The following PTPRE variants were observed in gnomAD, a reference collection of about 807,000 sequenced individuals.
The protein encoded by PTPRE is receptor-type tyrosine-protein phosphatase epsilon.
In PTPRE, 51 loss-of-function variants were observed where a neutral mutation model predicts 102.0. That is an observed-to-expected ratio of 0.50 (90% confidence interval 0.40 to 0.63). The LOEUF (loss-of-function observed/expected upper bound fraction) is 0.63, where lower values mean the gene tolerates loss of function less well. Among genes scored for constraint, PTPRE ranks in the 30% least tolerant of loss-of-function variants. PTPRE has a pLI of 0.00. For missense variants in PTPRE, 752 were observed against 915.1 expected (o/e 0.82, Z 2.30); for synonymous variants, 345 against 348.2 (o/e 0.99, Z 0.10).
In PTPRE at chr10:128,079,687, CA is replaced by C. The variant is rs747590527; in HGVS notation, c.2023del (p.Thr675ProfsTer53). ...SLRLQRPHMV[Q>X]TLEQYEFCYK... ...ACGACTTCAGAGACCACATATGGTG[CA>C]AACCCTGGTAAGAATCTGAATAAGG... On this transcript the variant is annotated frameshift_variant, in exon 20 of 21. Transcript: ENST00000254667. LOFTEE classifies it high-confidence loss of function. The C allele has an allele frequency of 6.2e-7, 1 of 1,612,354 alleles. No individual in the cohort carries two copies. The highest frequency in any genetic ancestry group is 8.5e-7 in the Non-Finnish European group (1 of 1,178,554).
chr10:128,049,836 G>T (rs1442394290), intron 6 of PTPRE, among the ~76,000 whole-genome samples, 170 bp downstream of exon 6: 1 of 152,132 alleles, frequency 6.6e-6, no homozygotes, highest in Non-Finnish European at 1.5e-5. Context: ...AGTGCCCTTT[G>T]CCAATGCTTA....
rs570010427 is a variant in PTPRE at position 127,945,143 on chromosome 10, C to A, written c.-30-37131C>A. Reference sequence around the variant, plus strand: ...TCACCCTTCCCCTGCACATCCAGAGCTTAGTGCAGTGCCCAGTACCTGGTT... The same window carrying A: ...TCACCCTTCCCCTGCACATCCAGAGATTAGTGCAGTGCCCAGTACCTGGTT... On this transcript the variant is annotated intron_variant, in intron 1 of 20. Coordinates refer to ENST00000254667, the MANE Select transcript of PTPRE (RefSeq NM_006504.6). Among the ~76,000 whole-genome samples the A allele has an allele frequency of 2.0e-5, 3 of 152,294 alleles. No homozygotes were observed. In the East Asian group the frequency reaches 5.8e-4, roughly 29 times the overall value.
intron 1 of PTPRE, among the ~76,000 whole-genome samples, chr10:127,932,203 T>C (rs1004493183): frequency 2.0e-4 from 30 of 152,196 alleles, no homozygotes; most frequent in African/African-American, 7.2e-4. Flanking sequence ...AAAAAAACAT[T>C]GAAAAAGCAA....
At chr10:127,951,815 G>C (rs776212065) in intron 1 of PTPRE, among the ~76,000 whole-genome samples, 3 of 152,234 alleles carry the variant, frequency 2.0e-5, no homozygotes, top group Non-Finnish European at 2.9e-5. Context: ...CAGGAATGGT[G>C]ATTCCCACCT....
At chr10:127,916,370 TCTC>T (rs1331933311) in intron 1 of PTPRE, among the ~76,000 whole-genome samples, 36 of 152,222 alleles carry the variant, frequency 2.4e-4, no homozygotes, top group African/African-American at 8.4e-4. Flanking sequence ...ACTGTGCACT[TCTC>T]CTTCCTGTCG....
intron 15 of PTPRE, 125 bp from the exon 16 acceptor site, chr10:128,072,013 A>G (rs1850814792): frequency 5.8e-6 from 4 of 688,786 alleles, no homozygotes; most frequent in East Asian, 5.7e-5. Context: ...TAAACTTTCC[A>G]AAGAGTTGGC....
intron 1 of PTPRE, among the ~76,000 whole-genome samples, chr10:127,928,873 C>A (rs1053413668): frequency 1.3e-5 from 2 of 152,198 alleles, no homozygotes; most frequent in Admixed American, 1.3e-4. Flanking sequence ...ATGTCAGACA[C>A]GAAGGCCATG....
intron 4 of PTPRE, 74 bp from the exon 5 acceptor site, chr10:128,047,690 A>T (rs1848213495): frequency 6.2e-7 from 1 of 1,613,962 alleles, no homozygotes; most frequent in African/African-American, 1.3e-5. Context: ...CCTGGTGGGT[A>T]TCACTGTGCC....
intron 2 of PTPRE, among the ~76,000 whole-genome samples, chr10:127,984,499 C>G (rs182768230): frequency 2.0e-5 from 3 of 152,172 alleles, no homozygotes; most frequent in African/African-American, 7.2e-5. Context: ...GTATTTGAAG[C>G]CTGGGTCTCC....
intron 10 of PTPRE, among the ~76,000 whole-genome samples, chr10:128,063,692 CAAA>C (rs1310516019): frequency 6.6e-6 from 1 of 152,200 alleles, no homozygotes; most frequent in East Asian, 1.9e-4. Context: ...GAATCATTGA[CAAA>C]GAAGAAAAGT....
At position 127,942,785 on chromosome 10, in the gene PTPRE, G is replaced by A. The variant is rs141839557; in HGVS notation, c.-31+35476G>A. The stretch of plus-strand genomic sequence containing the variant: ...TTTGGGAAGAGGAAGAAGTACTGGG[G>A]CGAGGTAGTGATGATGGTTGCACAG... On this transcript the variant is annotated intron_variant, in intron 1 of 20. Transcript: ENST00000254667. Among the ~76,000 whole-genome samples the A allele has an allele frequency of 1.4e-3, 212 of 152,328 alleles. 2 individuals carry two copies. The highest frequency in any genetic ancestry group is 4.7e-3 in the African/African-American group (196 of 41,562).
intron 1 of PTPRE, among the ~76,000 whole-genome samples, chr10:127,945,341 A>G (rs1180200957): frequency 2.0e-5 from 3 of 152,204 alleles, no homozygotes; most frequent in South Asian, 4.1e-4. Flanking sequence ...AAGCAGGTAG[A>G]GGAGAAAAGG....
At chr10:127,998,523 G>A (rs1853518657) in intron 2 of PTPRE, 1 of 152,168 alleles carries the variant, frequency 6.6e-6, no homozygotes, top group Admixed American at 6.5e-5. Flanking sequence ...GTATATAAGT[G>A]TCTAGCACAG....
rs180884757 is a variant in PTPRE at position 127,917,882 on chromosome 10, T to G, written c.-31+10573T>G. Among the ~76,000 whole-genome samples the G allele has an allele frequency of 7.3e-5, 11 of 151,442 alleles. No individual in the cohort carries two copies. The East Asian group carries it at 1.6e-3, about 22-fold the overall frequency. On this transcript the variant is annotated intron_variant, in intron 1 of 20. Transcript: ENST00000254667. ...CCATCTCTACTAAAAATACAAAAAT[T>G]AGCTGAGCACGCTGGCACGCACCTG... is the stretch of plus-strand genomic sequence containing the variant.
intron 1 of PTPRE, among the ~76,000 whole-genome samples, chr10:127,918,253 C>A (rs1055124214): frequency 8.5e-5 from 13 of 152,202 alleles, no homozygotes; most frequent in African/African-American, 3.1e-4. Context: ...CCCCTTTAAA[C>A]TTCCTTTAAA....
At chr10:127,929,066 C>T (rs1451087347) in intron 1 of PTPRE, among the ~76,000 whole-genome samples, 1 of 152,220 alleles carries the variant, frequency 6.6e-6, no homozygotes, top group Non-Finnish European at 1.5e-5. Context: ...TTAAATTACA[C>T]ACGTGCTACT....
At chr10:128,076,010 T>C (rs1229414653) in intron 17 of PTPRE, among the ~76,000 whole-genome samples, 1 of 152,254 alleles carries the variant, frequency 6.6e-6, no homozygotes, top group Non-Finnish European at 1.5e-5. Flanking sequence ...ACTCTGTTAA[T>C]GATGTTTGTT....
chr10:128,029,641 A>G lies in PTPRE; in HGVS notation c.-7-11234A>G, dbSNP rs375830708. On this transcript the variant is annotated intron_variant, in intron 2 of 20. Coordinates refer to ENST00000254667, the MANE Select transcript of PTPRE (RefSeq NM_006504.6). The stretch of plus-strand genomic sequence containing the variant: ...CAGACTCCAGCAGAAGCTTTAGTCT[A>G]TTTCTGAATAGAGAAAATCTGCTGA... Among the ~76,000 whole-genome samples the G allele has an allele frequency of 3.3e-5, 5 of 152,234 alleles. No homozygotes were observed. The East Asian group carries it at 7.7e-4, about 23-fold the overall frequency.
intron 7 of PTPRE, among the ~76,000 whole-genome samples, chr10:128,060,148 C>T (rs1331054578): frequency 6.6e-6 from 1 of 150,592 alleles, no homozygotes; most frequent in Non-Finnish European, 1.5e-5. Flanking sequence ...ACACAGCATA[C>T]ACACTACACA....
Sources: gnomAD v4.1 joint callset for allele counts (sites outside exome capture counted in the v4.1 genomes callset) on GRCh38, gnomAD v4.1.1 for gene constraint, MANE v1.5 for transcripts, NCBI Gene and HGNC (gene_info 2026-07-23, HGNC 2026-07-21) for gene names.